Variants in LAMTOR2 observed in about 807,000 individuals in gnomAD.
The protein encoded by LAMTOR2 is ragulator complex protein LAMTOR2.
In LAMTOR2, 4 loss-of-function variants were observed where a neutral mutation model predicts 15.8. That is an observed-to-expected ratio of 0.25 (90% CI 0.12 to 0.58). The LOEUF (loss-of-function observed/expected upper bound fraction) is 0.58, where lower values mean the gene tolerates loss of function less well. Among genes scored for constraint, LAMTOR2 ranks in the 20% least tolerant of loss-of-function variants. LAMTOR2 has a pLI of 0.91. For missense variants in LAMTOR2, 100 were observed against 161.0 expected (o/e 0.62, Z 2.05); for synonymous variants, 62 against 64.1 (o/e 0.97, Z 0.15).
At position 156,055,472 on chromosome 1, in the gene LAMTOR2, C is replaced by T. The variant is rs1647313147; in HGVS notation, c.231+47C>T. On this transcript the variant is annotated intron_variant, in intron 2 of 3. Coordinates refer to ENST00000368305, the MANE Select transcript of LAMTOR2 (RefSeq NM_014017.4). This position sits in a 1 kb window ranked among gnomAD's most constrained non-coding sequence, Gnocchi z 4.8. ...TTCCCCTGTCCCCCAAAGGGGATCCCAAGGGGGCGACCTGGACCCCATCCT... is the reference window on the plus strand; with the variant it reads ...TTCCCCTGTCCCCCAAAGGGGATCCTAAGGGGGCGACCTGGACCCCATCCT... 6.2e-7 allele frequency: 1 copy of T among 1,609,350 alleles called. No individual in the cohort carries two copies. Among genetic ancestry groups the T allele is most frequent in the African/African-American group, 1.3e-5 (1 of 74,862 alleles).
At chr1:156,057,877 G>A in intron 2 of LAMTOR2, 101 bp from the exon 3 acceptor site, 3 of 1,110,878 alleles carry the variant, frequency 2.7e-6, no homozygotes, top group South Asian at 2.5e-5. Context: ...CAGGGCATGG[G>A]AGGAAGATAT....
Position 156,058,456 on chromosome 1 carries a change from G to T in LAMTOR2, c.*85G>T, listed in dbSNP as rs188468056. The T allele has an allele frequency of 1.9e-4, 258 of 1,393,096 alleles. 1 individual carries two copies. In the African/African-American group the frequency reaches 3.1e-3, roughly 17 times the overall value. 86.3% of individuals were successfully genotyped at this position (1,393,096 alleles called of 1,614,324 possible). A position where few individuals can be genotyped will look rare whatever the true frequency, so the allele number is the denominator to read the frequency against. ...CCTAGAAGAACCTTCTTAGACAATG[G>T]GGGGAGGATGGGACTTTGTTTTTTC... On this transcript the variant is annotated 3_prime_UTR_variant, in exon 4 of 4. Coordinates refer to ENST00000368305, the MANE Select transcript of LAMTOR2 (RefSeq NM_014017.4).
Position 156,055,153 on chromosome 1 carries a change from G to C in LAMTOR2, c.69-110G>C. ...GTGCTTAGGGCATGTTCCGGGACAC[G>C]CTCAGGCCAGAGCCTTGCTGGATGT... On this transcript the variant is annotated intron_variant, in intron 1 of 3. Coordinates refer to ENST00000368305, the MANE Select transcript of LAMTOR2 (RefSeq NM_014017.4). This position sits in a 1 kb window ranked among gnomAD's most constrained non-coding sequence, Gnocchi z 4.8. 6.7e-7 allele frequency: 1 copy of C among 1,502,758 alleles called. No individual in the cohort carries two copies. Among genetic ancestry groups the C allele is most frequent in the Non-Finnish European group, 9.2e-7 (1 of 1,089,016 alleles). 93.1% of individuals were successfully genotyped at this position (1,502,758 alleles called of 1,614,324 possible). A position where few individuals can be genotyped will look rare whatever the true frequency, so the allele number is the denominator to read the frequency against.
At chr1:156,058,089 C>CA (rs1289628450) in intron 3 of LAMTOR2, 22 bp downstream of exon 3, 2 of 1,609,412 alleles carry the variant, frequency 1.2e-6, no homozygotes, top group Admixed American at 1.7e-5. Context: ...CCCATCCCTC[C>CA]ATAGCCCTGG....
chr1:156,055,426 G>A lies in LAMTOR2; in HGVS notation c.231+1G>A, dbSNP rs1182657820. The A allele has an allele frequency of 6.2e-7, 1 of 1,614,220 alleles. No homozygotes were observed. Among genetic ancestry groups the A allele is most frequent in the Non-Finnish European group, 8.5e-7 (1 of 1,180,046 alleles). ...CAAATTCATCCTCATGGACTGCATG[G>A]TATGGAGAGGGGAGCCAGACTTCCC... is the stretch of plus-strand genomic sequence containing the variant. On this transcript the variant is annotated splice_donor_variant, in intron 2 of 3. Transcript: ENST00000368305. LOFTEE classifies it high-confidence loss of function. This position sits in a 1 kb window ranked among gnomAD's most constrained non-coding sequence, Gnocchi z 4.8.
At chr1:156,058,209 TG>T in intron 3 of LAMTOR2, 105 bp from the exon 4 acceptor site, 1 of 1,522,114 alleles carries the variant, frequency 6.6e-7, no homozygotes, top group Non-Finnish European at 9.1e-7. Context: ...CAAGAGCAGG[TG>T]GGGGTTGGGG....
chr1:156,057,917 G>T (rs909605815), intron 2 of LAMTOR2, 61 bp from the exon 3 acceptor site: 2 of 1,479,980 alleles, frequency 1.4e-6, no homozygotes, highest in South Asian at 2.3e-5. Flanking sequence ...AAGCCTTTGG[G>T]GAAGGAGGGT....
chr1:156,055,340 C>G lies in LAMTOR2; in HGVS notation c.146C>G (p.Ala49Gly). 6.2e-7 allele frequency: 1 copy of G among 1,614,238 alleles called. No individual in the cohort carries two copies. The highest frequency in any genetic ancestry group is 8.5e-7 in the Non-Finnish European group (1 of 1,180,040). The change falls in exon 2 of 4, where the codon GCC (alanine) becomes GGC (glycine). Residue 49 changes from alanine (A) to glycine (G), a missense_variant. Physicochemically the swap from Ala to Gly is moderately conservative, Grantham distance 60. Transcript: ENST00000368305. This position sits in a 1 kb window ranked among gnomAD's most constrained non-coding sequence, Gnocchi z 4.8. ...GACGCCCGGGTCACCGCTGCCATAG[C>G]CAGTAACATCTGGGCCGCCTACGAC... ...DTDARVTAAI[A>G]SNIWAAYDRN...
In LAMTOR2 at chr1:156,058,242, TG is replaced by T. The variant is rs764887894; in HGVS notation, c.322-70del. The T allele has an allele frequency of 8.1e-6, 13 of 1,599,862 alleles. No individual in the cohort carries two copies. The South Asian group carries it at 1.4e-4, about 18-fold the overall frequency. ...GGGGGCTGGTTGCTTCCTATGGCAC[TG>T]GGAGCAGACCTGGATTTGGGGTCCC... On this transcript the variant is annotated intron_variant, in intron 3 of 3. Coordinates refer to ENST00000368305, the MANE Select transcript of LAMTOR2 (RefSeq NM_014017.4).
intron 2 of LAMTOR2, among the ~76,000 whole-genome samples, chr1:156,056,882 G>T (rs1647387425): frequency 6.6e-6 from 1 of 152,074 alleles, no homozygotes; most frequent in African/African-American, 2.4e-5. Context: ...CCAGCCATAA[G>T]AAATACATTT....
rs112741054 is a variant in LAMTOR2, at chr1:156,058,408, G to A, written c.*37G>A. On this transcript the variant is annotated 3_prime_UTR_variant, in exon 4 of 4. Transcript: ENST00000368305. ...GAAGCTGGGGTCAGAAAAGAGAAAT[G>A]ACCATTTGGAGGGGCGGGGCCTCCT... 6.2e-7 allele frequency: 1 copy of A among 1,612,968 alleles called. No individual in the cohort carries two copies. Among genetic ancestry groups the A allele is most frequent in the African/African-American group, 1.3e-5 (1 of 75,026 alleles).
intron 2 of LAMTOR2, among the ~76,000 whole-genome samples, chr1:156,056,617 C>T (rs1035004358): frequency 1.3e-5 from 2 of 152,100 alleles, no homozygotes; most frequent in African/African-American, 2.4e-5. Flanking sequence ...GAGATGAGGT[C>T]AGAGAGGCAG....
rs1647349899 is a variant in LAMTOR2, at chr1:156,055,855, A to G, written c.231+430A>G. On this transcript the variant is annotated intron_variant, in intron 2 of 3. Transcript: ENST00000368305. This position sits in a 1 kb window ranked among gnomAD's most constrained non-coding sequence, Gnocchi z 4.8. ...CCCAGTTTCACCGACTCACAGAACC[A>G]TGGCAGTCTCCAGACCCTAGTCCAA... 4.0e-6 allele frequency: 1 copy of G among 248,190 alleles called. No individual in the cohort carries two copies. Among genetic ancestry groups the G allele is most frequent in the Admixed American group, 4.8e-5 (1 of 20,630 alleles). 15.4% of individuals were successfully genotyped at this position (248,190 alleles called of 1,614,324 possible). A position where few individuals can be genotyped will look rare whatever the true frequency, so the allele number is the denominator to read the frequency against.
intron 2 of LAMTOR2, among the ~76,000 whole-genome samples, chr1:156,056,415 G>A (rs1206284627): frequency 1.3e-5 from 2 of 152,236 alleles, no homozygotes; most frequent in South Asian, 2.1e-4. Flanking sequence ...GTCAGGGACA[G>A]TCTCACTGAA....
At position 156,054,883 on chromosome 1, in the gene LAMTOR2, C is replaced by T; in HGVS notation, c.-7C>T. 2 of 1,612,742 alleles carry T rather than the reference C, an allele frequency of 1.2e-6. No homozygotes were observed. The highest frequency in any genetic ancestry group is 2.2e-5 in the South Asian group (2 of 90,974). ...GGTGCAAAAGCCCAGGGTTAGGAAC[C>T]GTAGGCATGCTGCGCCCCAAGGCTT... On this transcript the variant is annotated 5_prime_UTR_variant, in exon 1 of 4. Coordinates refer to ENST00000368305, the MANE Select transcript of LAMTOR2 (RefSeq NM_014017.4).
At position 156,055,435 on chromosome 1, in the gene LAMTOR2, G is replaced by A. The variant is rs758860859; in HGVS notation, c.231+10G>A. 1 of 1,614,174 alleles carries A rather than the reference G, an allele frequency of 6.2e-7. No homozygotes were observed. Among genetic ancestry groups the A allele is most frequent in the South Asian group, 1.1e-5 (1 of 91,082 alleles). On this transcript the variant is annotated intron_variant, in intron 2 of 3. Coordinates refer to ENST00000368305, the MANE Select transcript of LAMTOR2 (RefSeq NM_014017.4). The surrounding 1 kb of genome is among the most constrained non-coding windows in gnomAD (Gnocchi z 4.8). ...CCTCATGGACTGCATGGTATGGAGA[G>A]GGGAGCCAGACTTCCCCTGTCCCCC...
In LAMTOR2 at chr1:156,055,401, C is replaced by G. The variant is rs753996990; in HGVS notation, c.207C>G (p.Leu69=). ...NGNQAFNEDN[L]KFILMDCMEG... Reference sequence around the variant, plus strand: ...ACCAAGCGTTTAATGAAGACAATCTCAAATTCATCCTCATGGACTGCATGG... The same window carrying G: ...ACCAAGCGTTTAATGAAGACAATCTGAAATTCATCCTCATGGACTGCATGG... The change falls in exon 2 of 4, where the codon CTC becomes CTG. Residue 69 remains leucine, a synonymous_variant. Transcript: ENST00000368305. The surrounding 1 kb of genome is among the most constrained non-coding windows in gnomAD (Gnocchi z 4.8). The G allele has an allele frequency of 6.2e-7, 1 of 1,614,236 alleles. No individual in the cohort carries two copies. Among genetic ancestry groups the G allele is most frequent in the Admixed American group, 1.7e-5 (1 of 60,032 alleles).
chr1:156,056,741 T>C lies in LAMTOR2; in HGVS notation c.232-1237T>C, dbSNP rs16837153. Among the ~76,000 whole-genome samples, 1,392 of 152,242 alleles carry C rather than the reference T, an allele frequency of 9.1e-3. 24 individuals carry two copies. Among genetic ancestry groups the C allele is most frequent in the African/African-American group, 0.032 (1,327 of 41,518 alleles). The stretch of plus-strand genomic sequence containing the variant: ...GTGAACTCTCCAGGAAGGATCTTCA[T>C]TGTAACTCAACTGCCTACTCTCCCC... On this transcript the variant is annotated intron_variant, in intron 2 of 3. Coordinates refer to ENST00000368305, the MANE Select transcript of LAMTOR2 (RefSeq NM_014017.4).
chr1:156,056,263 A>G (rs187802945), intron 2 of LAMTOR2, among the ~76,000 whole-genome samples: 17 of 152,284 alleles, frequency 1.1e-4, no homozygotes, highest in Non-Finnish European at 2.2e-4. Context: ...TGGCCTCCCA[A>G]AGTGCTGGGA....
Sources: allele counts gnomAD v4.1 joint callset (sites outside exome capture counted in the v4.1 genomes callset), GRCh38; gene constraint gnomAD v4.1.1; non-coding constraint Gnocchi (gnomAD v3.1); transcripts MANE v1.5; gene names NCBI Gene and HGNC (gene_info 2026-07-23, HGNC 2026-07-21).